The following PAPPA2 variants were observed in gnomAD, a reference collection of about 807,000 sequenced individuals.
PAPPA2 encodes pappalysin 2, also known as pappalysin-2.
In PAPPA2, 86 loss-of-function variants were observed where a neutral mutation model predicts 176.4. The observed-to-expected ratio is 0.49, with a 90% CI of 0.41 to 0.58. The LOEUF is 0.58. Among genes scored for constraint, PAPPA2 ranks in the 20% least tolerant of loss-of-function variants. The pLI is 0.00. For missense variants in PAPPA2, 2,073 were observed against 2,256.9 expected (o/e 0.92, Z 1.65); for synonymous variants, 809 against 852.2 (o/e 0.95, Z 0.88).
chr1:176,824,548 G>C (rs1666782575), intron 21 of PAPPA2, among the ~76,000 whole-genome samples: 1 of 152,122 alleles, frequency 6.6e-6, no homozygotes, highest in Non-Finnish European at 1.5e-5. Flanking sequence ...TTTTTAATTA[G>C]AGAAACCAAG....
At position 176,770,987 on chromosome 1, in the gene PAPPA2, T is replaced by C. The variant is rs939950316; in HGVS notation, c.4522T>C (p.Cys1508Arg). The change falls in exon 17 of 23, where the codon TGT becomes CGT. Residue 1508 changes from cysteine to arginine, a missense_variant. Around this residue, in one of 4 missense-constraint regions of PAPPA2, gnomAD observed 846 missense variants for 857.9 expected, o/e 0.99. Transcript: ENST00000367662. Reference sequence around the variant, plus strand: ...GTCAGGACTGAGCCCATGGCTGACATGTCTTGAAGATGGTCTCTGGTCTCT... The same window carrying C: ...GTCAGGACTGAGCCCATGGCTGACACGTCTTGAAGATGGTCTCTGGTCTCT... ...KLQGLSPWLTCLEDGLWSLPE... is the reference protein window; with the variant it reads ...KLQGLSPWLTRLEDGLWSLPE... The C allele has an allele frequency of 2.5e-6, 4 of 1,614,010 alleles. No individual in the cohort carries two copies. The highest frequency in any genetic ancestry group is 2.7e-5 in the African/African-American group (2 of 74,936).
At chr1:176,644,706 C>T (rs1159808215) in intron 3 of PAPPA2, among the ~76,000 whole-genome samples, 1 of 151,754 alleles carries the variant, frequency 6.6e-6, no homozygotes, top group Non-Finnish European at 1.5e-5. Context: ...TGCAGTAATA[C>T]AGAATGTGCT....
chr1:176,778,988 A>G (rs1664583333), intron 17 of PAPPA2, among the ~76,000 whole-genome samples: 1 of 152,160 alleles, frequency 6.6e-6, no homozygotes, highest in Non-Finnish European at 1.5e-5. Flanking sequence ...GGTGCAGGCC[A>G]GATCTTGACT....
At chr1:176,770,107 C>G (rs1305384935) in intron 16 of PAPPA2, among the ~76,000 whole-genome samples, 1 of 152,142 alleles carries the variant, frequency 6.6e-6, no homozygotes, top group African/African-American at 2.4e-5. Context: ...CTTTATTGTG[C>G]ACATTTTAAA....
At position 176,592,301 on chromosome 1, in the gene PAPPA2, A is replaced by T. The variant is rs189583231; in HGVS notation, c.920-2223A>T. ...ATAAATTAGAGAGCAAATAATCATT[A>T]CTTTGATAATCATTCAAAATAATAC... On this transcript the variant is annotated intron_variant, in intron 2 of 22. Coordinates refer to ENST00000367662, the MANE Select transcript of PAPPA2 (RefSeq NM_020318.3). Among the ~76,000 whole-genome samples the T allele has an allele frequency of 3.6e-3, 552 of 152,316 alleles. 5 individuals carry two copies. Among genetic ancestry groups the T allele is most frequent in the Non-Finnish European group, 6.2e-3 (421 of 68,006 alleles).
chr1:176,842,242 C>T (rs896265839), intron 22 of PAPPA2, 138 bp from the exon 23 acceptor site: 38 of 727,486 alleles, frequency 5.2e-5, no homozygotes, highest in Non-Finnish European at 7.6e-5. Flanking sequence ...GGGAAAACTG[C>T]GTGTTAATTT....
chr1:176,530,424 C>T (rs1390547199), intron 1 of PAPPA2, among the ~76,000 whole-genome samples: 4 of 151,992 alleles, frequency 2.6e-5, no homozygotes, highest in African/African-American at 4.8e-5. Context: ...AATTAGAAAT[C>T]GATTAATTAA....
intron 2 of PAPPA2, among the ~76,000 whole-genome samples, chr1:176,577,157 G>A (rs931666556): frequency 3.0e-4 from 46 of 152,196 alleles, no homozygotes; most frequent in African/African-American, 9.4e-4. Flanking sequence ...CAGGAACCAC[G>A]CCAACTACCT....
In PAPPA2 at chr1:176,750,519, T is replaced by C. The variant is rs146461596; in HGVS notation, c.4151+10323T>C. ...ACTTGGGAGGCTGAGGCAGGAGAAT[T>C]GCTTGAACCCGGGATGCGGAGGTTG... On this transcript the variant is annotated intron_variant, in intron 14 of 22. Transcript: ENST00000367662. Among the ~76,000 whole-genome samples the C allele has an allele frequency of 8.1e-3, 1,236 of 152,004 alleles. 20 individuals carry two copies. The highest frequency in any genetic ancestry group is 0.027 in the African/African-American group (1,133 of 41,488).
chr1:176,515,670 T>G (rs922825061), intron 1 of PAPPA2, among the ~76,000 whole-genome samples: 1 of 152,190 alleles, frequency 6.6e-6, no homozygotes, highest in African/African-American at 2.4e-5. Context: ...CCCACTGCAC[T>G]GGGCGAGGCT....
intron 2 of PAPPA2, among the ~76,000 whole-genome samples, chr1:176,574,561 G>A (rs1045171083): frequency 1.4e-4 from 21 of 152,168 alleles, no homozygotes; most frequent in African/African-American, 4.8e-4. Context: ...TCTAGATCAA[G>A]GCTTAGAGAG....
chr1:176,730,391 G>T (rs1314755094), intron 12 of PAPPA2, among the ~76,000 whole-genome samples: 1 of 151,480 alleles, frequency 6.6e-6, no homozygotes, highest in Non-Finnish European at 1.5e-5. Flanking sequence ...TGCAAATTTA[G>T]TGCTGATATT....
chr1:176,641,404 A>G (rs1243532270), intron 3 of PAPPA2, among the ~76,000 whole-genome samples: 2 of 151,588 alleles, frequency 1.3e-5, no homozygotes, highest in Non-Finnish European at 2.9e-5. Context: ...AGCTTTCTAC[A>G]TATGGCTAGC....
Position 176,699,123 on chromosome 1 carries a change from T to C in PAPPA2, c.2770T>C (p.Cys924Arg). ...AVGPPDVDQP[C>R]EPSLQAWSPE... ...AGGGCCTCCTGATGTGGATCAGCCCTGCGAGCCAAGCTTACAGGCCTGGAG... is the reference window on the plus strand; with the variant it reads ...AGGGCCTCCTGATGTGGATCAGCCCCGCGAGCCAAGCTTACAGGCCTGGAG... Residue 924 changes from cysteine (C) to arginine (R), a missense_variant, in exon 8 of 23, where the codon TGC (cysteine) becomes CGC (arginine). Coordinates refer to ENST00000367662, the MANE Select transcript of PAPPA2 (RefSeq NM_020318.3). The C allele has an allele frequency of 6.2e-7, 1 of 1,613,782 alleles. No individual in the cohort carries two copies. Among genetic ancestry groups the C allele is most frequent in the Non-Finnish European group, 8.5e-7 (1 of 1,179,806 alleles).
chr1:176,597,933 G>A (rs2102655237), intron 3 of PAPPA2, among the ~76,000 whole-genome samples: 1 of 152,208 alleles, frequency 6.6e-6, no homozygotes, highest in South Asian at 2.1e-4. Flanking sequence ...CTATCACACT[G>A]CCCTTATCTG....
chr1:176,757,897 T>C (rs1292988858), intron 14 of PAPPA2, among the ~76,000 whole-genome samples: 1 of 152,098 alleles, frequency 6.6e-6, no homozygotes, highest in Admixed American at 6.5e-5. Context: ...ATACCCAGAA[T>C]CAAAAATAAG....
intron 1 of PAPPA2, among the ~76,000 whole-genome samples, chr1:176,508,471 A>G (rs1007858820): frequency 7.9e-5 from 12 of 152,318 alleles, no homozygotes; most frequent in Non-Finnish European, 1.8e-4. Flanking sequence ...AAATATCTTG[A>G]ATGAAAAATC....
At chr1:176,688,624 GT>G (rs1359707920) in intron 4 of PAPPA2, among the ~76,000 whole-genome samples, 1 of 152,192 alleles carries the variant, frequency 6.6e-6, no homozygotes, top group Non-Finnish European at 1.5e-5. Context: ...AACACGGGAG[GT>G]GAGGTCTAGT....
chr1:176,697,218 C>A (rs2102815670), intron 7 of PAPPA2, among the ~76,000 whole-genome samples: 1 of 152,228 alleles, frequency 6.6e-6, no homozygotes, highest in African/African-American at 2.4e-5. Context: ...ACCAAATCAA[C>A]TTTTAGGGCT....
Sources: gnomAD v4.1 joint callset for allele counts (sites outside exome capture counted in the v4.1 genomes callset) on GRCh38, gnomAD v4.1.1 for gene constraint, gnomAD v4.1.1 regional missense constraint, MANE v1.5 for transcripts, NCBI Gene and HGNC (gene_info 2026-07-23, HGNC 2026-07-21) for gene names.